Variants in SPON1 observed in about 807,000 individuals in gnomAD.
The protein encoded by SPON1 is spondin-1.
In SPON1, 52 loss-of-function variants were observed where a neutral mutation model predicts 111.7. The observed-to-expected ratio is 0.47, with a 90% CI of 0.37 to 0.59. SPON1 has a LOEUF of 0.59. SPON1 is among the 20% of genes least tolerant of loss of function. The pLI is 0.00. For synonymous variants in SPON1, 410 were observed against 395.8 expected (o/e 1.04, Z -0.43); for missense variants, 957 against 1,068.5 (o/e 0.90, Z 1.46).
intron 6 of SPON1, among the ~76,000 whole-genome samples, chr11:14,198,402 G>C (rs1370772849): frequency 1.3e-5 from 2 of 152,190 alleles, no homozygotes; most frequent in Non-Finnish European, 2.9e-5. Context: ...GATGTTGACT[G>C]CCTCTTGTTT....
At chr11:14,128,434 CTG>C (rs1428586450) in intron 5 of SPON1, among the ~76,000 whole-genome samples, 3 of 152,258 alleles carry the variant, frequency 2.0e-5, no homozygotes, top group Admixed American at 6.5e-5. Flanking sequence ...TCCTTTGACT[CTG>C]TGTCTCATAT....
chr11:14,249,473 A>C lies in SPON1; in HGVS notation c.891-5055A>C, dbSNP rs1849029358. Among the ~76,000 whole-genome samples, 3 of 152,212 alleles carry C rather than the reference A, an allele frequency of 2.0e-5. No individual in the cohort carries two copies. In the South Asian group the frequency reaches 6.2e-4, roughly 32 times the overall value. ...TTCCAACGTTGCAGGAACCTCCCTCAAACCTTTCTCCACACACACCCCTGC... is the reference window on the plus strand; with the variant it reads ...TTCCAACGTTGCAGGAACCTCCCTCCAACCTTTCTCCACACACACCCCTGC... On this transcript the variant is annotated intron_variant, in intron 7 of 15. Transcript: ENST00000576479.
chr11:14,237,726 G>A (rs1231481317), intron 6 of SPON1, among the ~76,000 whole-genome samples: 1 of 152,238 alleles, frequency 6.6e-6, no homozygotes, highest in African/African-American at 2.4e-5. Context: ...AGCCCAAGGA[G>A]CCTGTGCCTT....
intron 6 of SPON1, among the ~76,000 whole-genome samples, chr11:14,235,789 T>C (rs1848858669): frequency 6.8e-6 from 1 of 147,024 alleles, no homozygotes; most frequent in Admixed American, 6.8e-5. Context: ...GGATGCTGAG[T>C]CAAAAAGGGG....
At chr11:13,964,451 G>A (rs529838589) in intron 1 of SPON1, among the ~76,000 whole-genome samples, 1 of 152,188 alleles carries the variant, frequency 6.6e-6, no homozygotes, top group Non-Finnish European at 1.5e-5. Context: ...GGGCGCCAGG[G>A]TCACGCCGGA....
At chr11:14,236,289 TGACAGGG>T (rs1357867246) in intron 6 of SPON1, among the ~76,000 whole-genome samples, 20 of 152,028 alleles carry the variant, frequency 1.3e-4, no homozygotes, top group Non-Finnish European at 2.2e-4. Flanking sequence ...GAAGTGGAGT[TGACAGGG>T]TGTGCCGATG....
chr11:14,218,310 C>G (rs1213634017), intron 6 of SPON1, among the ~76,000 whole-genome samples: 1 of 152,104 alleles, frequency 6.6e-6, no homozygotes, highest in African/African-American at 2.4e-5. Context: ...CTGTCTGTGT[C>G]AAGCAGTTTA....
chr11:14,113,596 T>TAA (rs1849243358), intron 5 of SPON1, among the ~76,000 whole-genome samples: 1 of 42,626 alleles, frequency 2.3e-5, no homozygotes, highest in African/African-American at 8.0e-5. Context: ...TTTTTTTTTT[T>TAA]TTTTTTTTTT....
intron 2 of SPON1, among the ~76,000 whole-genome samples, chr11:14,022,110 A>G (rs868925890): frequency 9.8e-5 from 15 of 152,336 alleles, no homozygotes; most frequent in Admixed American, 7.8e-4. Flanking sequence ...TAAAAGAAAA[A>G]GCCAAAAAAA....
chr11:14,230,949 A>G (rs1848793544), intron 6 of SPON1, among the ~76,000 whole-genome samples: 1 of 151,942 alleles, frequency 6.6e-6, no homozygotes, highest in East Asian at 1.9e-4. Context: ...GGCATGTGCC[A>G]CCACACCCAG....
chr11:14,056,290 A>G (rs114939570), intron 3 of SPON1, among the ~76,000 whole-genome samples: 1 of 152,194 alleles, frequency 6.6e-6, no homozygotes, highest in Non-Finnish European at 1.5e-5. Flanking sequence ...TATATTATTA[A>G]TGTTGCTGTT....
Position 14,135,627 on chromosome 11 carries a change from A to G in SPON1, c.825+59A>G. 1 of 1,550,058 alleles carries G rather than the reference A, an allele frequency of 6.5e-7. No individual in the cohort carries two copies. Among genetic ancestry groups the G allele is most frequent in the African/African-American group, 1.4e-5 (1 of 73,768 alleles). The stretch of plus-strand genomic sequence containing the variant: ...CAGAAATGCAGTCAAAGCACTCCTT[A>G]GATATCTTTCCCAGGGGCTTGAAAT... On this transcript the variant is annotated intron_variant, in intron 6 of 15. Coordinates refer to ENST00000576479, the MANE Select transcript of SPON1 (RefSeq NM_006108.4). The surrounding 1 kb of genome is among the most constrained non-coding windows in gnomAD (Gnocchi z 4.4).
intron 5 of SPON1, among the ~76,000 whole-genome samples, chr11:14,128,475 T>C (rs1053602286): frequency 2.6e-5 from 4 of 152,216 alleles, no homozygotes; most frequent in Non-Finnish European, 5.9e-5. Context: ...AGAGGTGGGC[T>C]CCCGAGGCCT....
intron 6 of SPON1, among the ~76,000 whole-genome samples, chr11:14,166,926 A>T (rs1236722975): frequency 1.3e-5 from 2 of 152,110 alleles, no homozygotes; most frequent in Non-Finnish European, 2.9e-5. Flanking sequence ...TTTAAAGAGG[A>T]CCGAAACAAG....
rs147554960 is a variant in SPON1, at chr11:14,121,496, T to C, written c.677-13924T>C. On this transcript the variant is annotated intron_variant, in intron 5 of 15. Coordinates refer to ENST00000576479, the MANE Select transcript of SPON1 (RefSeq NM_006108.4). ...AAGGAGAGGAAATGGAAGCAGTGGG[T>C]TCAGACTGACCTTCCTGAAAAGCCT... Among the ~76,000 whole-genome samples, 335 of 152,194 alleles carry C rather than the reference T, an allele frequency of 2.2e-3. 4 individuals are homozygous for C. In the East Asian group the frequency reaches 0.038, roughly 17 times the overall value.
chr11:14,211,364 C>A lies in SPON1; in HGVS notation c.826-31968C>A, dbSNP rs538296829. Among the ~76,000 whole-genome samples, 243 of 152,150 alleles carry A rather than the reference C, an allele frequency of 1.6e-3. 1 individual carries two copies. Among genetic ancestry groups the A allele is most frequent in the African/African-American group, 5.5e-3 (230 of 41,506 alleles). ...GACAAACAGAAAGCCAAATCATGAG[C>A]GAACTCCCATTCACAATTGCTACAA... On this transcript the variant is annotated intron_variant, in intron 6 of 15. Transcript: ENST00000576479.
intron 14 of SPON1, among the ~76,000 whole-genome samples, 196 bp downstream of exon 14, chr11:14,260,948 C>T (rs191755136): frequency 2.6e-4 from 40 of 152,138 alleles, no homozygotes; most frequent in Non-Finnish European, 3.8e-4. Context: ...ATCCCACTAC[C>T]GTCTACAGAA....
chr11:14,157,694 CA>C (rs1554930520), intron 6 of SPON1, among the ~76,000 whole-genome samples: 5 of 152,104 alleles, frequency 3.3e-5, no homozygotes, highest in Non-Finnish European at 7.4e-5. Flanking sequence ...CATCATTTTC[CA>C]TATGCTTCTT....
intron 2 of SPON1, among the ~76,000 whole-genome samples, chr11:14,006,972 G>A (rs7108768): frequency 0.1 from 15,545 of 152,188 alleles, 871 homozygotes; most frequent in Middle Eastern, 0.15. Flanking sequence ...CCAAAATTAA[G>A]GTGTCAACAG....
Sources: allele counts gnomAD v4.1 joint callset (sites outside exome capture counted in the v4.1 genomes callset), GRCh38; gene constraint gnomAD v4.1.1; non-coding constraint Gnocchi (gnomAD v3.1); transcripts MANE v1.5; gene names NCBI Gene and HGNC (gene_info 2026-07-23, HGNC 2026-07-21).